The following ZCRB1 variants were observed in gnomAD, a reference collection of about 807,000 sequenced individuals.
ZCRB1 encodes zinc finger CCHC-type and RNA-binding motif-containing protein 1.
Under a neutral mutation model 29.9 loss-of-function variants are expected in ZCRB1, and 21 were observed. The observed-to-expected ratio is 0.70, with a 90% CI of 0.50 to 1.01. The LOEUF (loss-of-function observed/expected upper bound fraction) is 1.01, where lower values mean the gene tolerates loss of function less well. Ranked by LOEUF, ZCRB1 falls within the 50% of genes least tolerant of loss-of-function variation. The pLI, the probability that ZCRB1 is intolerant of heterozygous loss-of-function variation, is 0.00. For synonymous variants in ZCRB1, 77 were observed against 80.0 expected, an observed-to-expected ratio of 0.96 and a Z score of 0.20; for missense variants, 204 against 253.3, an observed-to-expected ratio of 0.81 and a Z score of 1.32.
At chr12:42,321,564 C>G (rs977291599) in intron 3 of ZCRB1, among the ~76,000 whole-genome samples, 1 of 152,168 alleles carries the variant, frequency 6.6e-6, no homozygotes, top group Non-Finnish European at 1.5e-5. Flanking sequence ...TTTTTAAAAT[C>G]TGAACACCCA....
intron 4 of ZCRB1, 90 bp from the exon 5 acceptor site, chr12:42,317,537 G>A: frequency 8.6e-7 from 1 of 1,156,912 alleles, no homozygotes; most frequent in Non-Finnish European, 1.2e-6. Flanking sequence ...TTCAATTCCA[G>A]TTTATTTTGG....
chr12:42,315,943 G>A (rs1162075400), intron 5 of ZCRB1, among the ~76,000 whole-genome samples: 3 of 151,802 alleles, frequency 2.0e-5, no homozygotes, highest in East Asian at 1.9e-4. Context: ...CTTTTTTGTC[G>A]GGGGTATGGG....
intron 3 of ZCRB1, among the ~76,000 whole-genome samples, chr12:42,318,183 C>A (rs2068604049): frequency 6.6e-6 from 1 of 151,978 alleles, no homozygotes; most frequent in South Asian, 2.1e-4. Flanking sequence ...AACCACAATC[C>A]CTCTTCCATG....
chr12:42,314,102 A>G, intron 5 of ZCRB1, 116 bp from the exon 6 acceptor site: 2 of 980,622 alleles, frequency 2.0e-6, no homozygotes, highest in Non-Finnish European at 3.0e-6. Flanking sequence ...ATATTCCCAT[A>G]CTGGGACTAT....
intron 3 of ZCRB1, among the ~76,000 whole-genome samples, chr12:42,319,973 T>C (rs2068613510): frequency 6.6e-6 from 1 of 152,096 alleles, no homozygotes; most frequent in African/African-American, 2.4e-5. Flanking sequence ...AGTTTAGTGG[T>C]AGAGACAGAC....
chr12:42,323,963 A>C, intron 2 of ZCRB1, 56 bp downstream of exon 2: 1 of 1,453,212 alleles, frequency 6.9e-7, no homozygotes, highest in Non-Finnish European at 9.5e-7. Flanking sequence ...AGGGAGAACT[A>C]TTTGCTTAAG....
chr12:42,323,124 C>A (rs527682908), intron 2 of ZCRB1, among the ~76,000 whole-genome samples: 3 of 152,136 alleles, frequency 2.0e-5, no homozygotes, highest in African/African-American at 7.2e-5. Context: ...TATAAAAAGT[C>A]TTTTAGAATG....
At chr12:42,317,574 T>C (rs2068600922) in intron 4 of ZCRB1, 127 bp from the exon 5 acceptor site, 5 of 858,746 alleles carry the variant, frequency 5.8e-6, no homozygotes, top group Non-Finnish European at 7.0e-6. Flanking sequence ...CACTTAGGTG[T>C]GATAAATTCT....
At chr12:42,318,025 T>C (rs2068603263) in intron 3 of ZCRB1, 127 bp from the exon 4 acceptor site, 1 of 707,076 alleles carries the variant, frequency 1.4e-6, no homozygotes, top group Non-Finnish European at 2.3e-6. Context: ...AAAAATCAGC[T>C]ATCTCTTCAA....
At chr12:42,319,681 C>T (rs1369864792) in intron 3 of ZCRB1, among the ~76,000 whole-genome samples, 1 of 152,196 alleles carries the variant, frequency 6.6e-6, no homozygotes, top group African/African-American at 2.4e-5. Context: ...TTATGCTAGT[C>T]TCTGCTGAAT....
Position 42,317,916 on chromosome 12 carries a change from G to T in ZCRB1, c.114-18C>A, listed in dbSNP as rs143792467. 4.7e-4 allele frequency: 748 copies of T among 1,588,194 alleles called. 3 individuals are homozygous for T. The African/African-American group carries it at 9.0e-3, about 19-fold the overall frequency. ...TGGTAACCCTTAAAGCATAAACAAA[G>T]AGTTAAAAATGAGGCAGCAATAAAT... On this transcript the variant is annotated intron_variant, in intron 3 of 7. Transcript: ENST00000266529.
chr12:42,319,131 T>A (rs975231482), intron 3 of ZCRB1, among the ~76,000 whole-genome samples: 1 of 152,158 alleles, frequency 6.6e-6, no homozygotes, highest in African/African-American at 2.4e-5. Flanking sequence ...TCTTTTTTTT[T>A]AAAGTAGTAT....
rs2137526032 is a variant in ZCRB1 at position 42,312,530 on chromosome 12, G to A, written c.*537C>T. The A allele has an allele frequency of 6.6e-6, 1 of 152,218 alleles. No homozygotes were observed. The highest frequency in any genetic ancestry group is 1.9e-4 in the East Asian group (1 of 5,188). The allele number at this position is 152,218 out of a possible 1,614,324, so 9.4% of individuals were successfully genotyped here. ...ATTCTCCTTTATTCTTTTATTAAGTGACTGAAATATATGTACTTTATTTAG... is the reference window on the plus strand; with the variant it reads ...ATTCTCCTTTATTCTTTTATTAAGTAACTGAAATATATGTACTTTATTTAG... On this transcript the variant is annotated 3_prime_UTR_variant, in exon 8 of 8. Transcript: ENST00000266529.
intron 3 of ZCRB1, among the ~76,000 whole-genome samples, chr12:42,321,962 T>C (rs1026926381): frequency 6.6e-6 from 1 of 152,192 alleles, no homozygotes; most frequent in Non-Finnish European, 1.5e-5. Context: ...AGGAAGATAA[T>C]ATGTTTTCTA....
intron 4 of ZCRB1, 95 bp downstream of exon 4, chr12:42,317,692 G>A: frequency 4.7e-6 from 5 of 1,071,276 alleles, no homozygotes; most frequent in Non-Finnish European, 7.0e-6. Context: ...ACTGATATCT[G>A]CTAGACCTGA....
chr12:42,322,085 A>G (rs2068624513), intron 3 of ZCRB1, among the ~76,000 whole-genome samples: 1 of 152,220 alleles, frequency 6.6e-6, no homozygotes, highest in Admixed American at 6.5e-5. Context: ...AAAGTAGGTT[A>G]CTTATAGTAT....
chr12:42,317,326 T>C lies in ZCRB1; in HGVS notation c.333+14A>G. On this transcript the variant is annotated intron_variant, in intron 5 of 7. Transcript: ENST00000266529. Reference sequence around the variant, plus strand: ...AAACTATGGAAAGTTCCATTAAGTTTTAGGTTTACTTACCCCACATTCATA... The same window carrying C: ...AAACTATGGAAAGTTCCATTAAGTTCTAGGTTTACTTACCCCACATTCATA... 6.4e-7 allele frequency: 1 copy of C among 1,574,476 alleles called. No homozygotes were observed. Among genetic ancestry groups the C allele is most frequent in the Non-Finnish European group, 8.6e-7 (1 of 1,158,076 alleles).
At chr12:42,325,879 AG>A (rs948909903) in intron 1 of ZCRB1, 44 bp downstream of exon 1, 6 of 152,448 alleles carry the variant, frequency 3.9e-5, no homozygotes, top group Non-Finnish European at 8.8e-5. Context: ...GAGTCTGGGG[AG>A]GGGGCCCCGC....
chr12:42,322,691 A>G (rs982115502), intron 2 of ZCRB1, among the ~76,000 whole-genome samples: 1 of 152,088 alleles, frequency 6.6e-6, no homozygotes, highest in Non-Finnish European at 1.5e-5. Flanking sequence ...AAAAAAACTC[A>G]CTCTACACAT....
Sources: gnomAD v4.1 joint callset for allele counts (sites outside exome capture counted in the v4.1 genomes callset) on GRCh38, gnomAD v4.1.1 for gene constraint, MANE v1.5 for transcripts, NCBI Gene and HGNC (gene_info 2026-07-23, HGNC 2026-07-21) for gene names.